SCN11A: variants seen among roughly 807,000 people sequenced by gnomAD.
The protein encoded by SCN11A is sodium voltage-gated channel alpha subunit 11, also known as sodium channel protein type 11 subunit alpha.
A neutral mutation model predicts 162.2 loss-of-function variants in SCN11A; 122 were observed. The ratio of observed to expected loss-of-function variants is 0.75; its 90% CI spans 0.65 to 0.87. The LOEUF is 0.87. Ranked by LOEUF, SCN11A falls within the 40% of genes least tolerant of loss-of-function variation. The pLI is 0.00. For synonymous variants in SCN11A, 758 were observed against 751.5 expected (o/e 1.01, Z -0.14); for missense variants, 2,015 against 2,181.6 (o/e 0.92, Z 1.52).
chr3:38,984,853 G>C (rs914426110), intron 2 of SCN11A, among the ~76,000 whole-genome samples: 1 of 152,076 alleles, frequency 6.6e-6, no homozygotes. Context: ...CGAAAGTCTG[G>C]GGGAGGGAAC....
In SCN11A at chr3:38,950,363, C is replaced by G; in HGVS notation, c.-1G>C. ...TTACTGGGTAGCATCTGTCATCCAT[C>G]TTCACCCTCAGGACAGAGACAAGCC... On this transcript the variant is annotated 5_prime_UTR_variant, in exon 5 of 30. Coordinates refer to ENST00000302328, the MANE Select transcript of SCN11A (RefSeq NM_001349253.2). 1 of 1,613,398 alleles carries G rather than the reference C, an allele frequency of 6.2e-7. No individual in the cohort carries two copies. The highest frequency in any genetic ancestry group is 8.5e-7 in the Non-Finnish European group (1 of 1,179,994).
intron 9 of SCN11A, 50 bp downstream of exon 9, chr3:38,925,365 T>C: frequency 8.1e-7 from 1 of 1,229,342 alleles, no homozygotes; most frequent in Non-Finnish European, 1.2e-6. Flanking sequence ...TAAATATAAA[T>C]TAACATTCTT....
Position 38,925,002 on chromosome 3 carries a change from A to G in SCN11A, c.712+413T>C, listed in dbSNP as rs1471722431. Among the ~76,000 whole-genome samples, 3 of 152,072 alleles carry G rather than the reference A, an allele frequency of 2.0e-5. No individual in the cohort carries two copies. In the East Asian group the frequency reaches 5.8e-4, roughly 29 times the overall value. The stretch of plus-strand genomic sequence containing the variant: ...GCCACCTCTCACCTCAATGACAACT[A>G]TCGTGATCACTCTGTTTAAAACTGC... On this transcript the variant is annotated intron_variant, in intron 9 of 29. Transcript: ENST00000302328.
intron 1 of SCN11A, among the ~76,000 whole-genome samples, chr3:39,051,102 A>G (rs2032350455): frequency 2.6e-5 from 4 of 151,568 alleles, no homozygotes; most frequent in South Asian, 4.2e-4. Context: ...TCGCCTTCCT[A>G]TAACATCTTT....
intron 7 of SCN11A, among the ~76,000 whole-genome samples, chr3:38,942,674 T>C (rs937785379): frequency 6.6e-6 from 1 of 152,106 alleles, no homozygotes; most frequent in African/African-American, 2.4e-5. Context: ...ACACAGTGTA[T>C]TGACATCTGT....
At chr3:38,895,335 C>T (rs1376934215) in intron 18 of SCN11A, among the ~76,000 whole-genome samples, 3 of 152,130 alleles carry the variant, frequency 2.0e-5, no homozygotes, top group Non-Finnish European at 2.9e-5. Context: ...GAATTTCCCA[C>T]AAGGATATGA....
At chr3:39,034,146 A>G (rs965814493) in intron 1 of SCN11A, among the ~76,000 whole-genome samples, 5 of 152,208 alleles carry the variant, frequency 3.3e-5, no homozygotes, top group Admixed American at 2.0e-4. Context: ...TGGACAACAG[A>G]GTGAGACTCC....
intron 28 of SCN11A, among the ~76,000 whole-genome samples, chr3:38,853,070 A>G (rs1353608569): frequency 6.6e-6 from 1 of 152,242 alleles, no homozygotes; most frequent in Non-Finnish European, 1.5e-5. Context: ...CAGCTTTCCT[A>G]TGTTAATGTT....
At position 38,966,410 on chromosome 3, in the gene SCN11A, G is replaced by A. The variant is rs1385338923; in HGVS notation, c.-279-5987C>T. On this transcript the variant is annotated intron_variant, in intron 2 of 29. Coordinates refer to ENST00000302328, the MANE Select transcript of SCN11A (RefSeq NM_001349253.2). ...ATAAATTATGTAATTTGAGGTAGGA[G>A]TATTTTACAAAAAAAAGATGAAGCA... 2.6e-5 allele frequency among the ~76,000 whole-genome samples: 4 copies of A among 152,094 alleles called. No homozygotes were observed. The South Asian group carries it at 8.3e-4, about 32-fold the overall frequency.
At chr3:39,048,069 C>T (rs1608728) in intron 1 of SCN11A, among the ~76,000 whole-genome samples, 72,923 of 152,100 alleles carry the variant, frequency 0.48, 21,380 homozygotes, top group African/African-American at 0.84. Context: ...TGTCCTCCCA[C>T]AGTTACTGCA....
intron 23 of SCN11A, among the ~76,000 whole-genome samples, chr3:38,872,641 T>G (rs984818808): frequency 2.0e-5 from 3 of 152,146 alleles, no homozygotes; most frequent in Non-Finnish European, 4.4e-5. Context: ...TATGGTGAAT[T>G]TGAAAAATTT....
intron 2 of SCN11A, among the ~76,000 whole-genome samples, chr3:38,963,211 A>G (rs1344274030): frequency 6.6e-6 from 1 of 150,674 alleles, no homozygotes; most frequent in East Asian, 1.9e-4. Context: ...ATCTACCCAG[A>G]GGAAAAGAAG....
At chr3:38,971,852 C>T (rs1051366696) in intron 2 of SCN11A, among the ~76,000 whole-genome samples, 1 of 152,172 alleles carries the variant, frequency 6.6e-6, no homozygotes, top group Non-Finnish European at 1.5e-5. Flanking sequence ...TATTCAATTC[C>T]TTATTAACTG....
chr3:38,886,902 T>A (rs189107882), intron 19 of SCN11A, among the ~76,000 whole-genome samples: 1 of 152,308 alleles, frequency 6.6e-6, no homozygotes, highest in African/African-American at 2.4e-5. Flanking sequence ...AGCCTCGAAC[T>A]GTGTTTTAAA....
At chr3:38,877,781 T>TAC (rs79216084) in intron 23 of SCN11A, among the ~76,000 whole-genome samples, 3 of 135,686 alleles carry the variant, frequency 2.2e-5, no homozygotes, top group South Asian at 2.3e-4. Flanking sequence ...ATGGTGTATA[T>TAC]ACCATATATA....
intron 16 of SCN11A, among the ~76,000 whole-genome samples, chr3:38,902,235 A>G (rs4234132): frequency 0.61 from 93,420 of 151,968 alleles, 29,090 homozygotes; most frequent in Admixed American, 0.67. Context: ...CTCATTTCTG[A>G]GATGCCTCAG....
intron 1 of SCN11A, among the ~76,000 whole-genome samples, chr3:39,035,725 C>T (rs1003039298): frequency 1.3e-5 from 2 of 152,074 alleles, no homozygotes; most frequent in Middle Eastern, 3.4e-3. Flanking sequence ...CTGCAAGCTC[C>T]GCCTCCCGGG....
At chr3:38,927,010 C>T (rs2066153887) in intron 7 of SCN11A, 79 bp from the exon 8 acceptor site, 2 of 1,362,354 alleles carry the variant, frequency 1.5e-6, no homozygotes, top group Non-Finnish European at 9.9e-7. Context: ...TCTTACTGGC[C>T]TTGATTTTTT....
intron 7 of SCN11A, among the ~76,000 whole-genome samples, chr3:38,938,509 CATATATATATATATATATATATATATAT>C (rs1166609754): frequency 5.6e-5 from 2 of 35,526 alleles, no homozygotes; most frequent in African/African-American, 9.1e-5. Flanking sequence ...GGAAAAATAT[CATATATATATATATATATATATATATAT>C]ATATATATAT....
Sources: allele counts gnomAD v4.1 joint callset (sites outside exome capture counted in the v4.1 genomes callset), GRCh38; gene constraint gnomAD v4.1.1; transcripts MANE v1.5; gene names NCBI Gene and HGNC (gene_info 2026-07-23, HGNC 2026-07-21).